Variants in MIGA2 observed in about 807,000 individuals in gnomAD.
The protein encoded by MIGA2 is family with sequence similarity 73, member B.
MIGA2 carries 36 observed loss-of-function variants against 69.9 expected under a neutral mutation model. The ratio of observed to expected loss-of-function variants is 0.52; its 90% CI spans 0.39 to 0.68. The LOEUF (loss-of-function observed/expected upper bound fraction) is 0.68. MIGA2 is among the 30% of genes least tolerant of loss of function. The pLI is 0.00. For missense variants in MIGA2, 660 were observed against 787.7 expected (o/e 0.84, Z 1.94); for synonymous variants, 333 against 349.2 (o/e 0.95, Z 0.52).
chr9:129,042,159 G>A, intron 2 of MIGA2, 145 bp from the exon 3 acceptor site: 1 of 714,952 alleles, frequency 1.4e-6, no homozygotes, highest in Non-Finnish European at 2.4e-6. Context: ...CCCGTCTAGG[G>A]TGGCTGCCTC....
chr9:129,068,096 G>A lies in MIGA2; in HGVS notation c.1270-102G>A, dbSNP rs747831324. 1.6e-4 allele frequency: 241 copies of A among 1,529,358 alleles called. No individual in the cohort carries two copies. The highest frequency in any genetic ancestry group is 2.1e-4 in the Non-Finnish European group (230 of 1,105,088). 94.7% of individuals were successfully genotyped at this position (1,529,358 alleles called of 1,614,324 possible). ...GGAAAGACGTGTCCCCCCCACGTGTGCTCATGCCCTGGACCCCAGCTTCAG... is the reference window on the plus strand; with the variant it reads ...GGAAAGACGTGTCCCCCCCACGTGTACTCATGCCCTGGACCCCAGCTTCAG... On this transcript the variant is annotated intron_variant, in intron 12 of 15. Transcript: ENST00000684074. The surrounding 1 kb of genome is among the most constrained non-coding windows in gnomAD (Gnocchi z 4.1).
intron 6 of MIGA2, among the ~76,000 whole-genome samples, chr9:129,054,973 C>A (rs1379785191): frequency 6.6e-6 from 1 of 151,810 alleles, no homozygotes; most frequent in Non-Finnish European, 1.5e-5. Context: ...CTCACCACAA[C>A]CTCCACCCCC....
chr9:129,070,560 A>G lies in MIGA2; in HGVS notation c.*107A>G. The G allele has an allele frequency of 7.9e-7, 1 of 1,261,154 alleles. No individual in the cohort carries two copies. The highest frequency in any genetic ancestry group is 1.1e-6 in the Non-Finnish European group (1 of 940,226). 78.1% of individuals were successfully genotyped at this position (1,261,154 alleles called of 1,614,324 possible). A position where few individuals can be genotyped will look rare whatever the true frequency, so the allele number is the denominator to read the frequency against. ...GGGCCGTTGCCCCTGACTTTGCCCC[A>G]CCCCCATCATCTGGGAGTCCCCAAG... On this transcript the variant is annotated 3_prime_UTR_variant, in exon 16 of 16. Transcript: ENST00000684074.
In MIGA2 at chr9:129,068,610, G is replaced by GCATC; in HGVS notation, c.1404+280_1404+283dup. ...GGTATGAATTCGATTCCATTTTAAT[G>GCATC]CATCCTGTTAAATCAAGTTAAAAGA... On this transcript the variant is annotated intron_variant, in intron 13 of 15. Transcript: ENST00000684074. This position sits in a 1 kb window ranked among gnomAD's most constrained non-coding sequence, Gnocchi z 4.1. 2.1e-6 allele frequency: 1 copy of GCATC among 475,586 alleles called. No homozygotes were observed. The allele number at this position is 475,586 out of a possible 1,614,324, so 29.5% of individuals were successfully genotyped here. A position where few individuals can be genotyped will look rare whatever the true frequency, so the allele number is the denominator to read the frequency against.
chr9:129,042,531 G>A lies in MIGA2; in HGVS notation c.307+17G>A. ...TGAAGAAAGGTAGGTGTGAGGTGGT[G>A]GGCATAGGCCTGACCTGAGGTCACA... On this transcript the variant is annotated intron_variant, in intron 3 of 15. Coordinates refer to ENST00000684074, the MANE Select transcript of MIGA2 (RefSeq NM_001329990.2). 1 of 1,546,362 alleles carries A rather than the reference G, an allele frequency of 6.5e-7. No individual in the cohort carries two copies. Among genetic ancestry groups the A allele is most frequent in the Non-Finnish European group, 8.7e-7 (1 of 1,148,638 alleles).
intron 6 of MIGA2, among the ~76,000 whole-genome samples, chr9:129,051,856 C>T: frequency 6.7e-6 from 1 of 149,266 alleles, no homozygotes; most frequent in African/African-American, 2.5e-5. Context: ...GACGGAGTCT[C>T]ACTCTGTTGC....
In MIGA2 at chr9:129,070,229, C is replaced by T. The variant is rs763490092; in HGVS notation, c.1576-18C>T. On this transcript the variant is annotated intron_variant, in intron 15 of 15. Transcript: ENST00000684074. ...GGCAGTGGCTGGGCCAGGCCTGACA[C>T]CAGCCCTGCTCCCCCAGCACCAGAT... 62 of 1,606,796 alleles carry T rather than the reference C, an allele frequency of 3.9e-5. No individual in the cohort carries two copies. Among genetic ancestry groups the T allele is most frequent in the African/African-American group, 1.5e-4 (11 of 74,812 alleles).
chr9:129,036,887 A>T, intron 1 of MIGA2: 1 of 960,052 alleles, frequency 1.0e-6, no homozygotes, highest in Non-Finnish European at 1.3e-6. Context: ...TGGGTCAGGG[A>T]GGTGATGCCC....
Position 129,042,518 on chromosome 9 carries a change from G to A in MIGA2, c.307+4G>A, listed in dbSNP as rs373331782. On this transcript the variant is annotated splice_donor_region_variant and intron_variant, in intron 3 of 15. Coordinates refer to ENST00000684074, the MANE Select transcript of MIGA2 (RefSeq NM_001329990.2). ...AAGGTCCCTTCAGTGAAGAAAGGTA[G>A]GTGTGAGGTGGTGGGCATAGGCCTG... is the stretch of plus-strand genomic sequence containing the variant. 4.1e-5 allele frequency: 64 copies of A among 1,551,874 alleles called. No homozygotes were observed. The highest frequency in any genetic ancestry group is 7.8e-5 in the Admixed American group (4 of 51,514).
intron 6 of MIGA2, among the ~76,000 whole-genome samples, chr9:129,051,809 G>T (rs1378831501): frequency 6.7e-6 from 1 of 148,910 alleles, no homozygotes; most frequent in African/African-American, 2.5e-5. Flanking sequence ...ATGTTAGCCA[G>T]GATGTAATTA....
chr9:129,059,352 G>C lies in MIGA2; in HGVS notation c.793+81G>C. On this transcript the variant is annotated intron_variant, in intron 7 of 15. Transcript: ENST00000684074. The surrounding 1 kb of genome is among the most constrained non-coding windows in gnomAD (Gnocchi z 5.6). Reference sequence around the variant, plus strand: ...GAGGAGAAGTTGCGAGAACCGGGTCGTGGTTCTCTCAGTGCGTCCAATGAA... The same window carrying C: ...GAGGAGAAGTTGCGAGAACCGGGTCCTGGTTCTCTCAGTGCGTCCAATGAA... The C allele has an allele frequency of 8.8e-7, 1 of 1,133,902 alleles. No homozygotes were observed. Among genetic ancestry groups the C allele is most frequent in the Non-Finnish European group, 1.3e-6 (1 of 780,356 alleles). The allele number at this position is 1,133,902 out of a possible 1,614,324, so 70.2% of individuals were successfully genotyped here. A position where few individuals can be genotyped will look rare whatever the true frequency, so the allele number is the denominator to read the frequency against.
chr9:129,064,733 C>A (rs1846250242), intron 11 of MIGA2, among the ~76,000 whole-genome samples: 1 of 151,802 alleles, frequency 6.6e-6, no homozygotes, highest in Admixed American at 6.6e-5. Flanking sequence ...GCTGCCTGAT[C>A]TGGGCTTTAC....
At position 129,069,257 on chromosome 9, in the gene MIGA2, T is replaced by TCCG; in HGVS notation, c.1458+132_1458+134dup. ...CCGCTCACAGTCCTGGCCCCCTTGT[T>TCCG]CCGCCGTTACCTCTCCCTGTGCCAG... On this transcript the variant is annotated intron_variant, in intron 14 of 15. Coordinates refer to ENST00000684074, the MANE Select transcript of MIGA2 (RefSeq NM_001329990.2). The surrounding 1 kb of genome is among the most constrained non-coding windows in gnomAD (Gnocchi z 4.9). 8.4e-7 allele frequency: 1 copy of TCCG among 1,193,546 alleles called. No individual in the cohort carries two copies. Among genetic ancestry groups the TCCG allele is most frequent in the Admixed American group, 1.8e-5 (1 of 56,084 alleles). The allele number at this position is 1,193,546 out of a possible 1,614,324, so 73.9% of individuals were successfully genotyped here.
At chr9:129,058,750 G>A (rs969213070) in intron 6 of MIGA2, among the ~76,000 whole-genome samples, 2 of 151,978 alleles carry the variant, frequency 1.3e-5, no homozygotes, top group South Asian at 2.1e-4. Flanking sequence ...TGCCCACCTC[G>A]GCCACCCAAA....
At chr9:129,046,632 A>C (rs962931761) in intron 3 of MIGA2, among the ~76,000 whole-genome samples, 3 of 151,962 alleles carry the variant, frequency 2.0e-5, no homozygotes, top group African/African-American at 7.2e-5. Context: ...TTTTTACTAG[A>C]GACAGGGTTT....
At chr9:129,042,176 T>A (rs1844942022) in intron 2 of MIGA2, 128 bp from the exon 3 acceptor site, 2 of 867,840 alleles carry the variant, frequency 2.3e-6, no homozygotes, top group Non-Finnish European at 3.6e-6. Context: ...CCTCTCAGTC[T>A]CTCATCTGGT....
At chr9:129,039,561 A>C (rs1844789184) in intron 1 of MIGA2, among the ~76,000 whole-genome samples, 1 of 144,052 alleles carries the variant, frequency 6.9e-6, no homozygotes, top group South Asian at 2.2e-4. Context: ...TTTTATTATT[A>C]TTATTATTAT....
chr9:129,053,662 T>A (rs1845661489), intron 6 of MIGA2, among the ~76,000 whole-genome samples: 1 of 152,162 alleles, frequency 6.6e-6, no homozygotes, highest in Non-Finnish European at 1.5e-5. Context: ...CCACTGCGCC[T>A]GGCCTATTGC....
intron 6 of MIGA2, among the ~76,000 whole-genome samples, chr9:129,052,029 T>G (rs1845573155): frequency 1.3e-5 from 2 of 152,066 alleles, no homozygotes; most frequent in South Asian, 4.1e-4. Context: ...GGTTTCACTG[T>G]GTTAGCCAGG....
Sources: gnomAD v4.1 joint callset for allele counts (sites outside exome capture counted in the v4.1 genomes callset) on GRCh38, gnomAD v4.1.1 for gene constraint, Gnocchi (gnomAD v3.1) non-coding constraint, MANE v1.5 for transcripts, NCBI Gene and HGNC (gene_info 2026-07-23, HGNC 2026-07-21) for gene names.